The following MLPH variants were observed in gnomAD, a reference collection of about 807,000 sequenced individuals.
The protein encoded by MLPH is exophilin-3.
In MLPH, 51 loss-of-function variants were observed where a neutral mutation model predicts 72.1. That is an observed-to-expected ratio of 0.71 (90% confidence interval 0.56 to 0.89). MLPH has a LOEUF of 0.89. Among genes scored for constraint, MLPH ranks in the 40% least tolerant of loss-of-function variants. The pLI is 0.00. For missense variants in MLPH, 743 were observed against 759.9 expected (o/e 0.98, Z 0.26); for synonymous variants, 301 against 310.1 (o/e 0.97, Z 0.31).
At chr2:237,529,829 G>A (rs372840820) in intron 8 of MLPH, among the ~76,000 whole-genome samples, 1 of 152,224 alleles carries the variant, frequency 6.6e-6, no homozygotes, top group East Asian at 1.9e-4. Flanking sequence ...TGGGCATGGT[G>A]ATGCCTGGTA....
chr2:237,511,267 CTT>C (rs369873696), intron 4 of MLPH, 166 bp downstream of exon 4: 23,627 of 467,588 alleles, frequency 0.051, no homozygotes, highest in East Asian at 0.083. Flanking sequence ...CTTCTGGCTG[CTT>C]TTTTTTTTTT....
chr2:237,516,769 A>T (rs1448282556), intron 4 of MLPH, among the ~76,000 whole-genome samples: 2 of 150,836 alleles, frequency 1.3e-5, no homozygotes, highest in Non-Finnish European at 3.0e-5. Context: ...ATTGTGGGAG[A>T]GGGAGAGATG....
intron 8 of MLPH, among the ~76,000 whole-genome samples, chr2:237,532,956 G>A (rs1218273153): frequency 6.6e-6 from 1 of 152,176 alleles, no homozygotes; most frequent in Non-Finnish European, 1.5e-5. Flanking sequence ...CAGCCCTTCT[G>A]CAGCCCGGCA....
At chr2:237,513,330 C>T (rs1444605252) in intron 4 of MLPH, among the ~76,000 whole-genome samples, 1 of 152,088 alleles carries the variant, frequency 6.6e-6, no homozygotes, top group East Asian at 1.9e-4. Context: ...GAAGGGAAAA[C>T]CCCTGGACTG....
intron 8 of MLPH, among the ~76,000 whole-genome samples, chr2:237,533,996 GA>G (rs1224058497): frequency 6.6e-6 from 1 of 152,234 alleles, no homozygotes; most frequent in Non-Finnish European, 1.5e-5. Context: ...GCTGGGTGAG[GA>G]AGAAAACTAG....
At chr2:237,552,106 A>C in intron 14 of MLPH, 2 of 510,602 alleles carry the variant, frequency 3.9e-6, no homozygotes, top group Non-Finnish European at 7.1e-6. Context: ...CACAGTGAGG[A>C]AGAATGTTAA....
chr2:237,523,759 A>G (rs1168700599), intron 6 of MLPH, among the ~76,000 whole-genome samples: 1 of 152,218 alleles, frequency 6.6e-6, no homozygotes, highest in East Asian at 1.9e-4. Context: ...ATTAAGTCCT[A>G]TAAGCATAAC....
In MLPH at chr2:237,540,354, G is replaced by A. The variant is rs2080643847; in HGVS notation, c.1111G>A (p.Gly371Ser). The A allele has an allele frequency of 6.2e-7, 1 of 1,613,668 alleles. No individual in the cohort carries two copies. The highest frequency in any genetic ancestry group is 8.5e-7 in the Non-Finnish European group (1 of 1,180,028). The change falls in exon 10 of 16, where the codon GGT (glycine) becomes AGT (serine). Residue 371 changes from glycine to serine, a missense_variant. By Grantham distance (56) the Gly-to-Ser change is moderately conservative. Transcript: ENST00000264605. ...TVVPPLAKGL[G>S]AGVRTEADVE... Reference sequence around the variant, plus strand: ...CACTGGCCTGTTCTGTCAGGGTCTAGGTGCTGGAGTGCGCACGGAGGCCGA... The same window carrying A: ...CACTGGCCTGTTCTGTCAGGGTCTAAGTGCTGGAGTGCGCACGGAGGCCGA...
chr2:237,526,179 A>T (rs1346753183), intron 7 of MLPH, among the ~76,000 whole-genome samples: 1 of 152,200 alleles, frequency 6.6e-6, no homozygotes, highest in African/African-American at 2.4e-5. Context: ...GCCCACAGTC[A>T]GTTCAAGTCT....
chr2:237,541,123 TG>T lies in MLPH; in HGVS notation c.1446+171del, dbSNP rs899645727. 1.3e-5 allele frequency among the ~76,000 whole-genome samples: 2 copies of T among 152,230 alleles called. No homozygotes were observed. Among genetic ancestry groups the T allele is most frequent in the South Asian group, 2.1e-4 (1 of 4,810 alleles). On this transcript the variant is annotated intron_variant, in intron 11 of 15. Transcript: ENST00000264605. This position sits in a 1 kb window ranked among gnomAD's most constrained non-coding sequence, Gnocchi z 5.1. ...GGCCAGGCATGAACCTGGGGGTTTCTGGGGGACTCACCTAATTCGCCACCCC... is the reference window on the plus strand; with the variant it reads ...GGCCAGGCATGAACCTGGGGGTTTCTGGGGACTCACCTAATTCGCCACCCC...
At chr2:237,494,161 G>C (rs2079486204) in intron 2 of MLPH, among the ~76,000 whole-genome samples, 1 of 151,836 alleles carries the variant, frequency 6.6e-6, no homozygotes, top group South Asian at 2.1e-4. Context: ...AGCAAAAGCT[G>C]AGAGGATGCT....
At chr2:237,519,570 C>T (rs1357827186) in intron 5 of MLPH, among the ~76,000 whole-genome samples, 1 of 152,228 alleles carries the variant, frequency 6.6e-6, no homozygotes, top group Non-Finnish European at 1.5e-5. Context: ...GGGACCCGCC[C>T]CTCTCCCAGC....
chr2:237,515,114 G>A (rs182513501), intron 4 of MLPH, among the ~76,000 whole-genome samples: 2 of 152,208 alleles, frequency 1.3e-5, no homozygotes, highest in African/African-American at 4.8e-5. Flanking sequence ...AAAGATCACT[G>A]CTGGCTCAGG....
At chr2:237,518,128 A>G (rs1299904529) in intron 4 of MLPH, 2 of 216,572 alleles carry the variant, frequency 9.2e-6, no homozygotes, top group Non-Finnish European at 1.7e-5. Flanking sequence ...GGATGGAGGG[A>G]TGGATGGATG....
At chr2:237,522,484 T>G (rs10168932) in intron 6 of MLPH, among the ~76,000 whole-genome samples, 1 of 58,786 alleles carries the variant, frequency 1.7e-5, no homozygotes, top group African/African-American at 1.0e-4. Context: ...GGAGTGGAGC[T>G]GGGCTGAGAC....
At chr2:237,552,060 T>C (rs897765730) in intron 14 of MLPH, 2 of 436,030 alleles carry the variant, frequency 4.6e-6, no homozygotes, top group Non-Finnish European at 8.4e-6. Context: ...GTGATGGGCC[T>C]TTCTGCTGCT....
At chr2:237,548,972 C>G (rs1246676648) in intron 13 of MLPH, among the ~76,000 whole-genome samples, 3 of 152,246 alleles carry the variant, frequency 2.0e-5, no homozygotes, top group African/African-American at 7.2e-5. Context: ...GAAACTTGTA[C>G]TCTTTCTGCC....
intron 2 of MLPH, among the ~76,000 whole-genome samples, chr2:237,501,763 T>C (rs899074983): frequency 2.0e-5 from 3 of 150,944 alleles, no homozygotes; most frequent in Non-Finnish European, 2.9e-5. Flanking sequence ...GCAAGAAAAT[T>C]GCTTGAACCT....
Position 237,529,746 on chromosome 2 carries a change from C to A in MLPH, c.1020+2230C>A, listed in dbSNP as rs544006278. On this transcript the variant is annotated intron_variant, in intron 8 of 15. Transcript: ENST00000264605. ...AAGTGGGGCTGCTCTGAATGGAGAC[C>A]GGAACCGCAGTTTCACCAAGGCTGG... Among the ~76,000 whole-genome samples, 25 of 152,256 alleles carry A rather than the reference C, an allele frequency of 1.6e-4. No individual in the cohort carries two copies. In the South Asian group the frequency reaches 5.0e-3, roughly 30 times the overall value.
Sources: gnomAD v4.1 joint callset for allele counts (sites outside exome capture counted in the v4.1 genomes callset) on GRCh38, gnomAD v4.1.1 for gene constraint, Gnocchi (gnomAD v3.1) non-coding constraint, MANE v1.5 for transcripts, NCBI Gene and HGNC (gene_info 2026-07-23, HGNC 2026-07-21) for gene names.